EHD4: variants seen among roughly 807,000 people sequenced by gnomAD.
EHD4 encodes EH domain containing 4.
Under a neutral mutation model 51.0 loss-of-function variants are expected in EHD4, and 37 were observed. That is an observed-to-expected ratio of 0.73 (90% CI 0.56 to 0.95). The LOEUF is 0.95. EHD4 is among the 40% of genes least tolerant of loss of function. The pLI, the probability that EHD4 is intolerant of heterozygous loss-of-function variation, is 0.00. For missense variants in EHD4, 632 were observed against 733.1 expected, an observed-to-expected ratio of 0.86 and a Z score of 1.59; for synonymous variants, 297 against 317.3, an observed-to-expected ratio of 0.94 and a Z score of 0.68.
intron 2 of EHD4, among the ~76,000 whole-genome samples, chr15:41,943,531 G>A (rs954438518): frequency 6.6e-6 from 1 of 152,214 alleles, no homozygotes; most frequent in African/African-American, 2.4e-5. Context: ...ACCTCATGAG[G>A]TGAAGGAATT....
In EHD4 at chr15:41,919,490, T is replaced by C; in HGVS notation, c.644A>G (p.Asp215Gly). The C allele has an allele frequency of 6.4e-7, 1 of 1,556,966 alleles. No homozygotes were observed. The highest frequency in any genetic ancestry group is 2.0e-5 in the Admixed American group (1 of 51,112). The stretch of plus-strand genomic sequence containing the variant: ...CTTGTTCAGCACGACACGGATCTTG[T>C]CGTCCTGGCCCCGGAAGGCCTTGAT... ...EAIKAFRGQD[D>G]KIRVVLNKAD... The change falls in exon 4 of 6, where the codon GAC becomes GGC. Residue 215 changes from aspartate to glycine, a missense_variant. Coordinates refer to ENST00000220325, the MANE Select transcript of EHD4 (RefSeq NM_139265.4).
intron 2 of EHD4, among the ~76,000 whole-genome samples, chr15:41,951,723 G>A (rs1258949788): frequency 3.3e-5 from 5 of 152,170 alleles, no homozygotes; most frequent in African/African-American, 1.2e-4. Context: ...GGGGCCTCCT[G>A]TTCTGGTCTA....
chr15:41,903,383 T>C (rs1238409263), intron 5 of EHD4, among the ~76,000 whole-genome samples: 4 of 149,314 alleles, frequency 2.7e-5, no homozygotes, highest in Non-Finnish European at 5.9e-5. Context: ...TAAAATAATT[T>C]ATAATCTCAT....
intron 5 of EHD4, among the ~76,000 whole-genome samples, chr15:41,905,685 G>GT (rs1363788263): frequency 2.0e-5 from 3 of 152,104 alleles, no homozygotes; most frequent in African/African-American, 7.2e-5. Flanking sequence ...CATTTTTTCT[G>GT]TTTTTTGACA....
intron 5 of EHD4, among the ~76,000 whole-genome samples, chr15:41,902,918 G>T (rs997055584): frequency 9.3e-5 from 14 of 150,928 alleles, no homozygotes; most frequent in African/African-American, 3.4e-4. Flanking sequence ...CCTGTATAAG[G>T]AGAAGAGCTC....
intron 5 of EHD4, among the ~76,000 whole-genome samples, chr15:41,904,462 C>T (rs574192323): frequency 5.2e-4 from 79 of 152,266 alleles, no homozygotes; most frequent in African/African-American, 1.7e-3. Context: ...CCCTCTGCCA[C>T]GGTGAGTCCA....
At position 41,898,996 on chromosome 15, in the gene EHD4, A is replaced by C. The variant is rs1366486378; in HGVS notation, c.*1649T>G. 6.6e-6 allele frequency: 1 copy of C among 152,140 alleles called. No individual in the cohort carries two copies. The highest frequency in any genetic ancestry group is 1.5e-5 in the Non-Finnish European group (1 of 68,030). The allele number at this position is 152,140 out of a possible 1,614,324, so 9.4% of individuals were successfully genotyped here. ...GTGTAAGGGTAGGCATCTGGATATA[A>C]ATGCTTCTCCCAAATCAAGATTTTC... is the stretch of plus-strand genomic sequence containing the variant. On this transcript the variant is annotated 3_prime_UTR_variant, in exon 6 of 6. Transcript: ENST00000220325.
intron 3 of EHD4, among the ~76,000 whole-genome samples, chr15:41,924,641 C>T (rs921683419): frequency 6.6e-6 from 1 of 152,124 alleles, no homozygotes; most frequent in Non-Finnish European, 1.5e-5. Flanking sequence ...CTGCCTATGA[C>T]GGGAGCCCGG....
chr15:41,922,511 C>T (rs1826946247), intron 3 of EHD4, among the ~76,000 whole-genome samples: 1 of 152,236 alleles, frequency 6.6e-6, no homozygotes, highest in South Asian at 2.1e-4. Flanking sequence ...CAAACTGAAA[C>T]ACAGCTGCTG....
At chr15:41,958,250 G>C (rs181863148) in intron 1 of EHD4, among the ~76,000 whole-genome samples, 1 of 152,100 alleles carries the variant, frequency 6.6e-6, no homozygotes, top group East Asian at 1.9e-4. Flanking sequence ...GGAGAGGCCT[G>C]CCAATTCCAG....
chr15:41,924,665 C>A (rs566603598), intron 3 of EHD4, among the ~76,000 whole-genome samples: 1 of 152,156 alleles, frequency 6.6e-6, no homozygotes, highest in East Asian at 1.9e-4. Flanking sequence ...GTGAGTGGAA[C>A]AGACAAACAG....
At chr15:41,950,991 G>A (rs1174074744) in intron 2 of EHD4, among the ~76,000 whole-genome samples, 5 of 151,986 alleles carry the variant, frequency 3.3e-5, no homozygotes, top group Admixed American at 1.3e-4. Context: ...GGCTACATTA[G>A]GAACAGCCTT....
intron 3 of EHD4, among the ~76,000 whole-genome samples, chr15:41,923,479 T>A (rs1463656255): frequency 6.6e-6 from 1 of 152,234 alleles, no homozygotes; most frequent in Non-Finnish European, 1.5e-5. Flanking sequence ...TAGAGACCAC[T>A]GATCCTCAAA....
rs1303172070 is a variant in EHD4, at chr15:41,919,210, C to G, written c.924G>C (p.Lys308Asn). 1 of 1,613,602 alleles carries G rather than the reference C, an allele frequency of 6.2e-7. No individual in the cohort carries two copies. The highest frequency in any genetic ancestry group is 2.2e-5 in the East Asian group (1 of 44,904). Residue 308 changes from lysine to asparagine, a missense_variant and splice_region_variant, in exon 4 of 6, where the codon AAG becomes AAC. Coordinates refer to ENST00000220325, the MANE Select transcript of EHD4 (RefSeq NM_139265.4). ...CTGTGCAAGGCATCTCCTGGCTTACCTTGGCCAGCCTCGCTCGCTTGATGA... is the reference window on the plus strand; with the variant it reads ...CTGTGCAAGGCATCTCCTGGCTTACGTTGGCCAGCCTCGCTCGCTTGATGA... The part of the protein sequence containing the change: ...NDLIKRARLA[K>N]VHAYIISYLK...
At chr15:41,962,843 C>T (rs2067934725) in intron 1 of EHD4, among the ~76,000 whole-genome samples, 1 of 151,940 alleles carries the variant, frequency 6.6e-6, no homozygotes, top group African/African-American at 2.4e-5. Context: ...GCGGTTTTGT[C>T]GAATAGAAAA....
intron 3 of EHD4, among the ~76,000 whole-genome samples, chr15:41,923,735 C>G (rs759801847): frequency 6.6e-6 from 1 of 152,224 alleles, no homozygotes; most frequent in Non-Finnish European, 1.5e-5. Flanking sequence ...AAATCAAACA[C>G]ATTTAAAGTA....
intron 4 of EHD4, among the ~76,000 whole-genome samples, chr15:41,910,314 T>C (rs777153411): frequency 1.3e-5 from 2 of 152,146 alleles, no homozygotes; most frequent in Non-Finnish European, 2.9e-5. Context: ...CCCCCTGTTA[T>C]GGGAGGTTTA....
chr15:41,945,701 C>T (rs921104560), intron 2 of EHD4, among the ~76,000 whole-genome samples: 3 of 152,192 alleles, frequency 2.0e-5, no homozygotes, highest in African/African-American at 4.8e-5. Flanking sequence ...TGCATTCGTA[C>T]GAAGTTATGC....
chr15:41,958,853 G>A (rs886444822), intron 1 of EHD4, among the ~76,000 whole-genome samples: 1 of 152,132 alleles, frequency 6.6e-6, no homozygotes, highest in Non-Finnish European at 1.5e-5. Flanking sequence ...TACAGATGAG[G>A]AAACTAAGGC....
Sources: allele counts gnomAD v4.1 joint callset (sites outside exome capture counted in the v4.1 genomes callset), GRCh38; gene constraint gnomAD v4.1.1; transcripts MANE v1.5; gene names NCBI Gene and HGNC (gene_info 2026-07-23, HGNC 2026-07-21).